The following CCR3 variants were observed in gnomAD, a reference collection of about 807,000 sequenced individuals.
CCR3 encodes the protein C-C motif chemokine receptor 3, also known as C-C chemokine receptor type 3.
For synonymous variants in CCR3, 203 were observed against 179.2 expected (o/e 1.13, Z -1.06); for missense variants, 419 against 437.5 (o/e 0.96, Z 0.38).
At chr3:46,246,545 T>C (rs1278710819) in intron 1 of CCR3, among the ~76,000 whole-genome samples, 1 of 152,026 alleles carries the variant, frequency 6.6e-6, no homozygotes, top group Non-Finnish European at 1.5e-5. Flanking sequence ...CACAAGGTAA[T>C]GTCATCACTT....
chr3:46,225,427 A>T (rs1014134247), intron 2 of CCR3, among the ~76,000 whole-genome samples: 4 of 152,208 alleles, frequency 2.6e-5, no homozygotes, highest in African/African-American at 4.8e-5. Context: ...GCTACTCGGG[A>T]TTACCCAGCT....
Position 46,242,982 on chromosome 3 carries a change from C to CATATATAT in CCR3, c.-12+458_-12+465dup, listed in dbSNP as rs10662192. Among the ~76,000 whole-genome samples, 430 of 99,286 alleles carry CATATATAT rather than the reference C, an allele frequency of 4.3e-3. 6 individuals carry two copies. The highest frequency in any genetic ancestry group is 0.016 in the African/African-American group (358 of 21,722). The allele number at this position is 99,286 out of a possible 152,430, so 65.1% of individuals were successfully genotyped here. On this transcript the variant is annotated intron_variant, in intron 1 of 1. Transcript: ENST00000395940. Reference sequence around the variant, plus strand: ...ATATGTGTATATATATATATATACACATATATATATATATATATATACGCA... The same window carrying CATATATAT: ...ATATGTGTATATATATATATATACACATATATATATATATATATATATATATATACGCA...
At chr3:46,229,854 A>G (rs1355547600) in intron 2 of CCR3, among the ~76,000 whole-genome samples, 1 of 151,346 alleles carries the variant, frequency 6.6e-6, no homozygotes, top group Non-Finnish European at 1.5e-5. Flanking sequence ...ATGTGCTGAG[A>G]AAAAAAAACA....
intron 1 of CCR3, among the ~76,000 whole-genome samples, chr3:46,246,426 A>G (rs1425844433): frequency 6.6e-6 from 1 of 151,924 alleles, no homozygotes; most frequent in East Asian, 1.9e-4. Flanking sequence ...GGGTAGGTAG[A>G]GGAAAATTAC....
intron 1 of CCR3, among the ~76,000 whole-genome samples, chr3:46,253,226 C>T (rs1210301310): frequency 6.6e-6 from 1 of 152,178 alleles, no homozygotes; most frequent in Non-Finnish European, 1.5e-5. Context: ...TTCCTCCAGT[C>T]ACAGCTCACT....
intron 1 of CCR3, among the ~76,000 whole-genome samples, chr3:46,248,887 G>C (rs1223956484): frequency 6.6e-6 from 1 of 152,202 alleles, no homozygotes; most frequent in Non-Finnish European, 1.5e-5. Flanking sequence ...AAAACAATTT[G>C]GTTGATAAGG....
intron 1 of CCR3, among the ~76,000 whole-genome samples, chr3:46,261,436 C>T (rs1209912039): frequency 1.3e-5 from 2 of 152,114 alleles, no homozygotes; most frequent in African/African-American, 4.8e-5. Context: ...ATTTCAAGCC[C>T]AAAGGGGAGA....
intron 1 of CCR3, chr3:46,264,594 C>T (rs1263682405): frequency 1.7e-6 from 1 of 599,582 alleles, no homozygotes; most frequent in Non-Finnish European, 2.9e-6. Context: ...GAACAAATTA[C>T]TAAATTTCTT....
At chr3:46,232,756 C>G (rs1699980088) in intron 2 of CCR3, among the ~76,000 whole-genome samples, 2 of 152,180 alleles carry the variant, frequency 1.3e-5, no homozygotes, top group Admixed American at 6.5e-5. Context: ...GGTGGCCCAC[C>G]ACCTCCCCCA....
Position 46,266,091 on chromosome 3 carries a change from C to T in CCR3, c.933C>T (p.Tyr311=). Residue 311 remains tyrosine (Y), a synonymous_variant, in exon 2 of 2, where the codon TAC becomes TAT. Transcript: ENST00000395940. ...TTGTTGGAGAGAGGTTCCGGAAGTA[C>T]CTGCGCCACTTCTTCCACAGGCACT... ...YAFVGERFRK[Y]LRHFFHRHLL... 6.2e-7 allele frequency: 1 copy of T among 1,613,976 alleles called. No homozygotes were observed. Among genetic ancestry groups the T allele is most frequent in the Non-Finnish European group, 8.5e-7 (1 of 1,179,968 alleles).
At chr3:46,215,589 T>G (rs1699764722) in intron 2 of CCR3, among the ~76,000 whole-genome samples, 1 of 152,220 alleles carries the variant, frequency 6.6e-6, no homozygotes. Context: ...CCAAGGGATT[T>G]GTTTGCACAC....
chr3:46,213,405 C>T (rs1260762329), intron 2 of CCR3, among the ~76,000 whole-genome samples: 3 of 152,222 alleles, frequency 2.0e-5, no homozygotes, highest in African/African-American at 7.2e-5. Flanking sequence ...TCAGAAGTCA[C>T]ATGATGCTGC....
At chr3:46,214,218 G>T (rs748638394) in intron 2 of CCR3, among the ~76,000 whole-genome samples, 1 of 151,846 alleles carries the variant, frequency 6.6e-6, no homozygotes, top group South Asian at 2.1e-4. Context: ...TTCCTATTTC[G>T]CTGAGAAAAT....
At position 46,211,394 on chromosome 3, in the gene CCR3, TA is replaced by T. The variant is rs1292480113; in HGVS notation, c.-68+488del. Among the ~76,000 whole-genome samples, 20 of 147,408 alleles carry T rather than the reference TA, an allele frequency of 1.4e-4. No homozygotes were observed. In the South Asian group the frequency reaches 4.0e-3, roughly 30 times the overall value. On this transcript the variant is annotated intron_variant, in intron 2 of 3. Transcript: ENST00000357422. Reference sequence around the variant, plus strand: ...GAAAAAATATGTATATATATATATATATATTTTTTGTAGAAATGGGTGTGTT... The same window carrying T: ...GAAAAAATATGTATATATATATATATTATTTTTTGTAGAAATGGGTGTGTT...
intron 1 of CCR3, among the ~76,000 whole-genome samples, chr3:46,260,240 A>G (rs1359486453): frequency 6.6e-6 from 1 of 152,170 alleles, no homozygotes; most frequent in African/African-American, 2.4e-5. Flanking sequence ...GGACACAGCC[A>G]AACCATGTCA....
Position 46,266,524 on chromosome 3 carries a change from T to C in CCR3, c.*298T>C, listed in dbSNP as rs1700638342. ...ACCTGAATGTTAGATAGTTACTATATGCCGCTACAAAAAGGTAAAACTTTT... is the reference window on the plus strand; with the variant it reads ...ACCTGAATGTTAGATAGTTACTATACGCCGCTACAAAAAGGTAAAACTTTT... On this transcript the variant is annotated 3_prime_UTR_variant, in exon 2 of 2. Transcript: ENST00000395940. The C allele has an allele frequency of 3.3e-6, 1 of 298,764 alleles. No individual in the cohort carries two copies. Among genetic ancestry groups the C allele is most frequent in the Non-Finnish European group, 6.5e-6 (1 of 154,102 alleles). The allele number at this position is 298,764 out of a possible 1,614,324, so 18.5% of individuals were successfully genotyped here.
chr3:46,265,046 C>T (rs938683692), intron 1 of CCR3, 102 bp from the exon 2 acceptor site: 1 of 733,250 alleles, frequency 1.4e-6, no homozygotes, highest in Non-Finnish European at 2.3e-6. Flanking sequence ...GCTGCTATCA[C>T]ATGTGGCATC....
intron 2 of CCR3, chr3:46,211,051 A>G (rs190023249): frequency 6.6e-6 from 1 of 152,340 alleles, no homozygotes; most frequent in East Asian, 1.9e-4. Flanking sequence ...ATGTTAAAAA[A>G]TCTGAGAACT....
At chr3:46,244,707 G>T (rs1249583039) in intron 1 of CCR3, among the ~76,000 whole-genome samples, 5 of 152,160 alleles carry the variant, frequency 3.3e-5, no homozygotes, top group Admixed American at 3.3e-4. Context: ...CAGTTAAGGC[G>T]GGGCAGGGCA....
Sources: gnomAD v4.1 joint callset for allele counts (sites outside exome capture counted in the v4.1 genomes callset) on GRCh38, gnomAD v4.1.1 for gene constraint, MANE v1.5 for transcripts, NCBI Gene and HGNC (gene_info 2026-07-23, HGNC 2026-07-21) for gene names.